The following MDGA2 variants were observed in gnomAD, a reference collection of about 807,000 sequenced individuals.
MDGA2 encodes the protein MAM domain-containing glycosylphosphatidylinositol anchor protein 2.
In MDGA2, 40 loss-of-function variants were observed where a neutral mutation model predicts 117.8. The observed-to-expected ratio is 0.34, with a 90% confidence interval of 0.26 to 0.44. MDGA2 has a LOEUF of 0.44. MDGA2 is among the 20% of genes least tolerant of loss of function. The pLI is 1.00. For missense variants in MDGA2, 1,123 were observed against 1,250.6 expected (o/e 0.90, Z 1.54); for synonymous variants, 452 against 439.0 (o/e 1.03, Z -0.37).
chr14:47,638,195 T>C (rs1474388665), intron 1 of MDGA2, among the ~76,000 whole-genome samples: 1 of 152,182 alleles, frequency 6.6e-6, no homozygotes, highest in Non-Finnish European at 1.5e-5. Flanking sequence ...TGTGCAGATA[T>C]ACGAATGTTT....
At chr14:47,508,678 G>T (rs973146114) in intron 1 of MDGA2, among the ~76,000 whole-genome samples, 12 of 151,728 alleles carry the variant, frequency 7.9e-5, no homozygotes, top group Admixed American at 2.6e-4. Flanking sequence ...CAACTTTTTT[G>T]TTTGTTTGTT....
At chr14:47,454,179 A>AT (rs1893299143) in intron 1 of MDGA2, among the ~76,000 whole-genome samples, 1 of 152,186 alleles carries the variant, frequency 6.6e-6, no homozygotes, top group Non-Finnish European at 1.5e-5. Context: ...CAAGTGATTG[A>AT]TTGACACTTC....
At chr14:47,125,997 C>T (rs1046943213) in intron 5 of MDGA2, among the ~76,000 whole-genome samples, 3 of 151,878 alleles carry the variant, frequency 2.0e-5, no homozygotes, top group Non-Finnish European at 2.9e-5. Flanking sequence ...GTGTTGGTAA[C>T]ACACATAATA....
chr14:47,018,926 G>C (rs184655759), intron 8 of MDGA2, among the ~76,000 whole-genome samples: 255 of 152,146 alleles, frequency 1.7e-3, no homozygotes, highest in African/African-American at 5.9e-3. Flanking sequence ...TCCGTCCTCT[G>C]TGTTCACATG....
intron 9 of MDGA2, among the ~76,000 whole-genome samples, chr14:46,924,318 ATAAAT>A (rs1210156845): frequency 1.3e-5 from 2 of 152,092 alleles, no homozygotes; most frequent in African/African-American, 4.8e-5. Flanking sequence ...AAGTTCAAAC[ATAAAT>A]TAAAAACAAT....
intron 8 of MDGA2, among the ~76,000 whole-genome samples, chr14:47,026,074 C>G (rs538049024): frequency 6.6e-6 from 1 of 152,016 alleles, no homozygotes; most frequent in Non-Finnish European, 1.5e-5. Context: ...TATAACCCAA[C>G]GTAATATGAT....
intron 14 of MDGA2, among the ~76,000 whole-genome samples, chr14:46,872,249 ATTAG>A (rs1269859941): frequency 6.6e-6 from 1 of 151,460 alleles, no homozygotes; most frequent in Non-Finnish European, 1.5e-5. Flanking sequence ...GTCCAATTGT[ATTAG>A]TTTACATCAC....
chr14:47,242,629 G>A (rs922273287), intron 2 of MDGA2, among the ~76,000 whole-genome samples: 15 of 151,746 alleles, frequency 9.9e-5, no homozygotes, highest in Non-Finnish European at 1.9e-4. Flanking sequence ...CAGCAGTGCT[G>A]GCCCACCAGC....
intron 1 of MDGA2, among the ~76,000 whole-genome samples, chr14:47,358,165 G>A (rs1237353188): frequency 1.3e-5 from 2 of 152,144 alleles, no homozygotes; most frequent in Non-Finnish European, 2.9e-5. Context: ...ACCCAGAGAG[G>A]TGTCTATTCA....
chr14:47,502,784 T>C (rs994729910), intron 1 of MDGA2, among the ~76,000 whole-genome samples: 5 of 152,058 alleles, frequency 3.3e-5, no homozygotes, highest in African/African-American at 1.2e-4. Flanking sequence ...CAAGCAATCC[T>C]TCTGCCTCAG....
At chr14:46,927,593 G>A (rs1181117359) in intron 9 of MDGA2, among the ~76,000 whole-genome samples, 3 of 152,208 alleles carry the variant, frequency 2.0e-5, no homozygotes, top group Admixed American at 2.0e-4. Context: ...TGAAGTCAAT[G>A]ACAACATCTC....
chr14:47,023,818 T>C (rs1888378086), intron 8 of MDGA2, among the ~76,000 whole-genome samples: 1 of 152,204 alleles, frequency 6.6e-6, no homozygotes, highest in Admixed American at 6.5e-5. Flanking sequence ...AGTAGCTGAA[T>C]ATTTCAGATA....
At chr14:47,262,706 G>A (rs565605259) in intron 2 of MDGA2, among the ~76,000 whole-genome samples, 2 of 152,278 alleles carry the variant, frequency 1.3e-5, no homozygotes, top group South Asian at 4.1e-4. Context: ...GAACAGGAAA[G>A]TTAAGACCAA....
intron 3 of MDGA2, among the ~76,000 whole-genome samples, chr14:47,202,539 G>A (rs972637285): frequency 6.6e-6 from 1 of 152,098 alleles, no homozygotes; most frequent in Non-Finnish European, 1.5e-5. Flanking sequence ...CATGCCATTT[G>A]TCGATAGGAA....
chr14:47,281,572 G>A (rs1220270148), intron 2 of MDGA2, among the ~76,000 whole-genome samples: 1 of 152,046 alleles, frequency 6.6e-6, no homozygotes, highest in African/African-American at 2.4e-5. Context: ...CTTAGGTTAG[G>A]ACTTATCAGA....
intron 1 of MDGA2, among the ~76,000 whole-genome samples, chr14:47,627,466 A>T (rs183178563): frequency 6.6e-6 from 1 of 151,834 alleles, no homozygotes; most frequent in Non-Finnish European, 1.5e-5. Flanking sequence ...GAATGCACCA[A>T]TCGCACTCTG....
At chr14:46,920,912 A>G (rs990611461) in intron 9 of MDGA2, among the ~76,000 whole-genome samples, 1 of 152,226 alleles carries the variant, frequency 6.6e-6, no homozygotes, top group Non-Finnish European at 1.5e-5. Context: ...AGATCTGGTC[A>G]ATATTTAGCT....
intron 3 of MDGA2, among the ~76,000 whole-genome samples, chr14:47,193,517 C>T (rs1468898637): frequency 6.6e-6 from 1 of 152,212 alleles, no homozygotes; most frequent in Non-Finnish European, 1.5e-5. Context: ...ATATGCCATC[C>T]TGTTTATCTT....
At chr14:46,879,496 T>C (rs1160617317) in intron 11 of MDGA2, among the ~76,000 whole-genome samples, 1 of 152,110 alleles carries the variant, frequency 6.6e-6, no homozygotes, top group Admixed American at 6.6e-5. Flanking sequence ...GATCTGAATA[T>C]GTATGCCTAA....
Sources: gnomAD v4.1 joint callset for allele counts (sites outside exome capture counted in the v4.1 genomes callset) on GRCh38, gnomAD v4.1.1 for gene constraint, MANE v1.5 for transcripts, NCBI Gene and HGNC (gene_info 2026-07-23, HGNC 2026-07-21) for gene names.